Variants in AKAP19 observed in about 807,000 individuals in gnomAD.
The protein encoded by AKAP19 is A-kinase anchoring protein 19, also known as small A-kinase anchoring protein.
the AKAP19 span, chr2:190,059,973 G>A: frequency 7.2e-7 from 1 of 1,382,110 alleles, no homozygotes; most frequent in Non-Finnish European, 1.0e-6. Flanking sequence ...ATGAGCTTAG[G>A]GAATTTGTAG....
the AKAP19 span, among the ~76,000 whole-genome samples, chr2:190,155,468 T>C: frequency 1.3e-5 from 2 of 152,068 alleles, no homozygotes; most frequent in African/African-American, 4.8e-5. Flanking sequence ...GCAAAATTAA[T>C]ACAATATAAT....
chr2:190,007,223 A>G, the AKAP19 span, among the ~76,000 whole-genome samples: 1 of 152,222 alleles, frequency 6.6e-6, no homozygotes, highest in Non-Finnish European at 1.5e-5. Flanking sequence ...TCTATGGGGT[A>G]CAGAAATAGG....
At chr2:189,978,553 T>G in the AKAP19 span, among the ~76,000 whole-genome samples, 35 of 151,920 alleles carry the variant, frequency 2.3e-4, no homozygotes, top group Admixed American at 4.6e-4. Context: ...GGAGGCGAAG[T>G]TTGCAGTGAG....
chr2:189,962,342 C>T, the AKAP19 span, among the ~76,000 whole-genome samples: 1 of 152,112 alleles, frequency 6.6e-6, no homozygotes, highest in African/African-American at 2.4e-5. Context: ...CCCAAAGATG[C>T]AATCCCCTGA....
chr2:190,108,969 A>T, the AKAP19 span, among the ~76,000 whole-genome samples: 1 of 152,298 alleles, frequency 6.6e-6, no homozygotes, highest in African/African-American at 2.4e-5. Flanking sequence ...TTTGGCTCTG[A>T]TTACTTCATA....
chr2:190,053,431 C>T, the AKAP19 span, among the ~76,000 whole-genome samples: 4 of 152,082 alleles, frequency 2.6e-5, no homozygotes, highest in Admixed American at 6.6e-5. Flanking sequence ...TGTTATCTAG[C>T]GTAAATATAC....
At chr2:189,887,193 A>C in the AKAP19 span, among the ~76,000 whole-genome samples, 2 of 152,056 alleles carry the variant, frequency 1.3e-5, no homozygotes, top group African/African-American at 4.8e-5. Flanking sequence ...CCCTGTGTCC[A>C]TGTGTTCTCA....
the AKAP19 span, among the ~76,000 whole-genome samples, chr2:189,888,089 G>A: frequency 6.6e-6 from 1 of 152,068 alleles, no homozygotes; most frequent in Non-Finnish European, 1.5e-5. Context: ...TATGGTTTTA[G>A]GTCTTATGTT....
the AKAP19 span, among the ~76,000 whole-genome samples, chr2:190,081,765 C>T: frequency 6.6e-6 from 1 of 152,152 alleles, no homozygotes; most frequent in Non-Finnish European, 1.5e-5. Context: ...TAAGTCTCTT[C>T]ATTATATCCA....
chr2:190,143,277 C>A, the AKAP19 span, among the ~76,000 whole-genome samples: 1 of 70,056 alleles, frequency 1.4e-5, no homozygotes, highest in Admixed American at 2.1e-4. Flanking sequence ...CAAACTTTAT[C>A]CTGTAGGAAA....
At chr2:190,167,393 C>A in the AKAP19 span, among the ~76,000 whole-genome samples, 1 of 152,174 alleles carries the variant, frequency 6.6e-6, no homozygotes, top group African/African-American at 2.4e-5. Flanking sequence ...AGAGACACAG[C>A]TAAACCATAT....
the AKAP19 span, chr2:190,180,814 G>A: frequency 1.0e-6 from 1 of 985,302 alleles, no homozygotes; most frequent in African/African-American, 1.7e-5. The surrounding 1 kb of genome is among the most constrained non-coding windows in gnomAD (Gnocchi z 6.8). Flanking sequence ...GGCGACGGCA[G>A]GAGGAGGGGC....
At chr2:189,948,660 T>C in the AKAP19 span, among the ~76,000 whole-genome samples, 1 of 152,208 alleles carries the variant, frequency 6.6e-6, no homozygotes, top group East Asian at 1.9e-4. Flanking sequence ...ACTTTTTCTA[T>C]TAGGGTCTTA....
chr2:190,052,785 T>G, the AKAP19 span, among the ~76,000 whole-genome samples: 1 of 152,252 alleles, frequency 6.6e-6, no homozygotes, highest in African/African-American at 2.4e-5. Flanking sequence ...TTTACATTTT[T>G]GGTTTAAAGT....
chr2:189,981,229 T>C, the AKAP19 span, among the ~76,000 whole-genome samples: 1 of 152,306 alleles, frequency 6.6e-6, no homozygotes, highest in Non-Finnish European at 1.5e-5. Context: ...TTAAATCTTC[T>C]TGTTCAATTG....
the AKAP19 span, among the ~76,000 whole-genome samples, chr2:190,092,179 T>G: frequency 6.6e-6 from 1 of 152,152 alleles, no homozygotes; most frequent in Non-Finnish European, 1.5e-5. Context: ...TAAATATGTG[T>G]GTGGAGGCTA....
chr2:190,032,125 T>C, the AKAP19 span, among the ~76,000 whole-genome samples: 1 of 152,210 alleles, frequency 6.6e-6, no homozygotes, highest in Non-Finnish European at 1.5e-5. Flanking sequence ...TTTCCTTTTC[T>C]TCCACTGTCT....
At chr2:190,083,204 C>T in the AKAP19 span, among the ~76,000 whole-genome samples, 1 of 152,206 alleles carries the variant, frequency 6.6e-6, no homozygotes, top group Admixed American at 6.5e-5. Flanking sequence ...TATGGCAAAA[C>T]CCCGTCTCTA....
At chr2:189,998,412 T>A in the AKAP19 span, among the ~76,000 whole-genome samples, 20 of 152,174 alleles carry the variant, frequency 1.3e-4, no homozygotes, top group Admixed American at 8.5e-4. Flanking sequence ...GAAAAAAAAA[T>A]TTAATAATTA....
Sources: gnomAD v4.1 joint callset for allele counts (sites outside exome capture counted in the v4.1 genomes callset) on GRCh38, gnomAD v4.1.1 for gene constraint, Gnocchi (gnomAD v3.1) non-coding constraint, MANE v1.5 for transcripts, NCBI Gene and HGNC (gene_info 2026-07-23, HGNC 2026-07-21) for gene names.